The following DPP6 variants were observed in gnomAD, a reference collection of about 807,000 sequenced individuals.
The protein encoded by DPP6 is A-type potassium channel modulatory protein DPP6.
DPP6 carries 69 observed loss-of-function variants against 122.6 expected under a neutral mutation model. The ratio of observed to expected loss-of-function variants is 0.56; its 90% confidence interval spans 0.46 to 0.69. DPP6 has a LOEUF of 0.69. Among genes scored for constraint, DPP6 ranks in the 30% least tolerant of loss-of-function variants. DPP6 has a pLI of 0.00. For missense variants in DPP6, 928 were observed against 1,116.9 expected (o/e 0.83, Z 2.41); for synonymous variants, 418 against 433.1 (o/e 0.97, Z 0.43).
intron 1 of DPP6, among the ~76,000 whole-genome samples, chr7:154,390,014 A>G (rs916716533): frequency 6.6e-6 from 1 of 152,268 alleles, no homozygotes; most frequent in Non-Finnish European, 1.5e-5. Flanking sequence ...GAATGTATGC[A>G]TTCAAGTGGG....
At chr7:154,715,170 G>A (rs1841412180) in intron 7 of DPP6, among the ~76,000 whole-genome samples, 1 of 152,102 alleles carries the variant, frequency 6.6e-6, no homozygotes, top group Non-Finnish European at 1.5e-5. Flanking sequence ...AGGTTCAAGT[G>A]AATCTCCTGC....
At chr7:153,877,676 TAATTA>T in the DPP6 span, among the ~76,000 whole-genome samples, 1 of 152,298 alleles carries the variant, frequency 6.6e-6, no homozygotes, top group East Asian at 1.9e-4. Flanking sequence ...CCAATCTTAT[TAATTA>T]AATTGATAAA....
At chr7:154,163,532 T>A (rs1052037250) in intron 1 of DPP6, among the ~76,000 whole-genome samples, 2 of 152,210 alleles carry the variant, frequency 1.3e-5, no homozygotes, top group African/African-American at 4.8e-5. Flanking sequence ...AGCCCTCAAA[T>A]TTTTTCAAAA....
chr7:154,467,270 G>A (rs1056645588), intron 2 of DPP6, among the ~76,000 whole-genome samples: 3 of 152,068 alleles, frequency 2.0e-5, no homozygotes, highest in Non-Finnish European at 4.4e-5. Flanking sequence ...AATTTTGGGG[G>A]TCTGATATGG....
chr7:153,958,529 G>T (rs1240634801), intron 1 of DPP6, among the ~76,000 whole-genome samples: 3 of 152,082 alleles, frequency 2.0e-5, no homozygotes, highest in African/African-American at 7.2e-5. Context: ...CCTCACCCTA[G>T]CCCCAGCTAC....
intron 1 of DPP6, among the ~76,000 whole-genome samples, chr7:154,246,510 A>C (rs1231645297): frequency 6.6e-6 from 1 of 152,228 alleles, no homozygotes; most frequent in South Asian, 2.1e-4. Context: ...GAAAATTCCA[A>C]CAAGGTGGTA....
rs77681528 is a variant in DPP6 at position 154,236,851 on chromosome 7, A to G, written c.243+183788A>G. Among the ~76,000 whole-genome samples, 1,096 of 152,312 alleles carry G rather than the reference A, an allele frequency of 7.2e-3. 19 individuals carry two copies. Among genetic ancestry groups the G allele is most frequent in the African/African-American group, 0.025 (1,025 of 41,554 alleles). On this transcript the variant is annotated intron_variant, in intron 1 of 25. Transcript: ENST00000377770. ...CCATGGCAGAGAAATTGGAAAGACC[A>G]GTAAAAAAATAAGGAAACAGGATAT...
chr7:154,664,381 A>T (rs1838008453), intron 6 of DPP6, among the ~76,000 whole-genome samples: 1 of 152,350 alleles, frequency 6.6e-6, no homozygotes, highest in African/African-American at 2.4e-5. Context: ...CTGTTTCTGA[A>T]TATCTTAGAT....
intron 1 of DPP6, among the ~76,000 whole-genome samples, chr7:154,180,526 A>T (rs1798029732): frequency 6.9e-6 from 1 of 144,660 alleles, no homozygotes; most frequent in Non-Finnish European, 1.5e-5. Flanking sequence ...ATAAATATAT[A>T]GAGAGTATAT....
chr7:154,497,013 C>G (rs1449629715), intron 3 of DPP6, among the ~76,000 whole-genome samples: 1 of 152,118 alleles, frequency 6.6e-6, no homozygotes, highest in African/African-American at 2.4e-5. Context: ...GTGACAGGGA[C>G]TATTTCAGCC....
chr7:154,298,976 A>G (rs1291190242), intron 1 of DPP6, among the ~76,000 whole-genome samples: 1 of 152,186 alleles, frequency 6.6e-6, no homozygotes, highest in Non-Finnish European at 1.5e-5. Context: ...TCTTTGAGAC[A>G]TTCTTACTGA....
chr7:154,072,236 T>C (rs1411229328), intron 1 of DPP6, among the ~76,000 whole-genome samples: 2 of 152,242 alleles, frequency 1.3e-5, no homozygotes, highest in African/African-American at 2.4e-5. Flanking sequence ...CCCCCTAAAC[T>C]CCATATATTA....
At chr7:154,731,411 A>G (rs1339176408) in intron 8 of DPP6, among the ~76,000 whole-genome samples, 1 of 152,236 alleles carries the variant, frequency 6.6e-6, no homozygotes, top group Non-Finnish European at 1.5e-5. Context: ...GAGACTGAGG[A>G]AGAGAAGAGG....
At chr7:154,225,170 A>T (rs1179761772) in intron 1 of DPP6, among the ~76,000 whole-genome samples, 2 of 152,102 alleles carry the variant, frequency 1.3e-5, no homozygotes, top group African/African-American at 2.4e-5. Context: ...AATAAAAATA[A>T]ATAAATAAAA....
chr7:154,343,531 G>T (rs1004778414), intron 1 of DPP6, among the ~76,000 whole-genome samples: 2 of 152,224 alleles, frequency 1.3e-5, no homozygotes, highest in African/African-American at 4.8e-5. Context: ...CCTGTCCCCT[G>T]CAGGGAAGAG....
the DPP6 span, among the ~76,000 whole-genome samples, chr7:153,842,459 GT>G: frequency 3.3e-5 from 5 of 151,538 alleles, no homozygotes; most frequent in Admixed American, 2.6e-4. Flanking sequence ...GAGATACAGG[GT>G]TTTTTTTATT....
chr7:154,608,321 A>C (rs1563922124), intron 5 of DPP6, among the ~76,000 whole-genome samples: 1 of 83,394 alleles, frequency 1.2e-5, no homozygotes. Flanking sequence ...AGGAGTGATC[A>C]TATATATATA....
intron 1 of DPP6, among the ~76,000 whole-genome samples, chr7:154,371,878 G>T (rs1299101084): frequency 1.3e-5 from 2 of 152,168 alleles, no homozygotes; most frequent in African/African-American, 4.8e-5. Context: ...TTCATCCTGT[G>T]CTTTGAAACA....
At chr7:154,751,736 T>A (rs1345616290) in intron 8 of DPP6, among the ~76,000 whole-genome samples, 1 of 152,066 alleles carries the variant, frequency 6.6e-6, no homozygotes, top group African/African-American at 2.4e-5. Context: ...CGGGCCCATG[T>A]GCTTCCCTAG....
Sources: allele counts gnomAD v4.1 joint callset (sites outside exome capture counted in the v4.1 genomes callset), GRCh38; gene constraint gnomAD v4.1.1; transcripts MANE v1.5; gene names NCBI Gene and HGNC (gene_info 2026-07-23, HGNC 2026-07-21).